The following SLK variants were observed in gnomAD, a reference collection of about 807,000 sequenced individuals.
SLK encodes the protein STE20-like serine/threonine-protein kinase.
SLK carries 67 observed loss-of-function variants against 147.7 expected under a neutral mutation model. The observed-to-expected ratio is 0.45, with a 90% CI of 0.37 to 0.56. SLK has a LOEUF of 0.56. Ranked by LOEUF, SLK falls within the 20% of genes least tolerant of loss-of-function variation. SLK has a pLI of 0.00. For missense variants in SLK, 1,136 were observed against 1,438.8 expected, an observed-to-expected ratio of 0.79 and a Z score of 3.41; for synonymous variants, 441 against 475.0, an observed-to-expected ratio of 0.93 and a Z score of 0.93.
chr10:104,024,865 C>T (rs771603776), intron 18 of SLK, among the ~76,000 whole-genome samples: 5 of 152,158 alleles, frequency 3.3e-5, no homozygotes, highest in South Asian at 2.1e-4. Flanking sequence ...CCTCACAGGG[C>T]GGAATAACAA....
Position 104,010,907 on chromosome 10 carries a change from A to G in SLK, c.2876A>G (p.Gln959Arg). The G allele has an allele frequency of 1.3e-6, 2 of 1,565,246 alleles. No homozygotes were observed. Among genetic ancestry groups the G allele is most frequent in the Non-Finnish European group, 1.7e-6 (2 of 1,161,960 alleles). ...KEELAQSQHA[Q>R]EQEFVQKQQQ... ...GAGCTTGCACAAAGCCAGCATGCTC[A>G]GGTAACAGCAGCAGCTTAATGCTAC... is the stretch of plus-strand genomic sequence containing the variant. Residue 959 changes from glutamine (Q) to arginine (R), a missense_variant and splice_region_variant, in exon 13 of 19, where the codon CAG becomes CGG. By Grantham distance (43) the Gln-to-Arg change is conservative (BLOSUM62 1). Around this residue, in one of 6 missense-constraint regions of SLK, gnomAD observed 327 missense variants for 457.5 expected, o/e 0.71. Coordinates refer to ENST00000369755, the MANE Select transcript of SLK (RefSeq NM_014720.4).
intron 1 of SLK, among the ~76,000 whole-genome samples, chr10:103,989,414 G>C (rs996038695): frequency 4.6e-5 from 7 of 150,810 alleles, no homozygotes; most frequent in Admixed American, 4.0e-4. Context: ...ATTCATTGCT[G>C]GTGTGTATGC....
chr10:103,987,978 T>C (rs1298909138), intron 1 of SLK, among the ~76,000 whole-genome samples: 1 of 152,166 alleles, frequency 6.6e-6, no homozygotes, highest in Non-Finnish European at 1.5e-5. Flanking sequence ...ACATTTAATA[T>C]AAGTTTTATG....
chr10:104,019,524 A>G (rs1000746043), intron 15 of SLK, among the ~76,000 whole-genome samples: 1 of 152,252 alleles, frequency 6.6e-6, no homozygotes, highest in South Asian at 2.1e-4. Flanking sequence ...CTCCTATGTC[A>G]GCCTCCCAAA....
At chr10:103,982,519 T>C (rs964560658) in intron 1 of SLK, among the ~76,000 whole-genome samples, 3 of 152,244 alleles carry the variant, frequency 2.0e-5, no homozygotes, top group Admixed American at 2.0e-4. Context: ...ATATAAAGTA[T>C]ATTTCTTTCT....
chr10:103,998,883 G>A lies in SLK; in HGVS notation c.515-16G>A. The A allele has an allele frequency of 1.3e-6, 2 of 1,593,064 alleles. No individual in the cohort carries two copies. The highest frequency in any genetic ancestry group is 2.2e-5 in the East Asian group (1 of 44,716). On this transcript the variant is annotated splice_polypyrimidine_tract_variant and intron_variant, in intron 4 of 18. Coordinates refer to ENST00000369755, the MANE Select transcript of SLK (RefSeq NM_014720.4). The stretch of plus-strand genomic sequence containing the variant: ...CTTAAAAGTTCTCATTAATGCTTTT[G>A]TGTGATTATTTCAAGCGGATTTTGG...
At chr10:104,016,189 G>A (rs1302722276) in intron 13 of SLK, among the ~76,000 whole-genome samples, 1 of 152,022 alleles carries the variant, frequency 6.6e-6, no homozygotes, top group Non-Finnish European at 1.5e-5. Flanking sequence ...CGTGGTGGTG[G>A]GCGCCTGTAG....
intron 1 of SLK, among the ~76,000 whole-genome samples, chr10:103,986,654 C>G (rs1300949904): frequency 6.7e-6 from 1 of 149,842 alleles, no homozygotes; most frequent in African/African-American, 2.5e-5. Context: ...TTTCATTAAG[C>G]CTTTATGTGA....
In SLK at chr10:104,002,832, T is replaced by C; in HGVS notation, c.1654T>C (p.Cys552Arg). 1 of 1,614,008 alleles carries C rather than the reference T, an allele frequency of 6.2e-7. No homozygotes were observed. The highest frequency in any genetic ancestry group is 8.5e-7 in the Non-Finnish European group (1 of 1,179,970). The change falls in exon 9 of 19, where the codon TGT becomes CGT. Residue 552 changes from cysteine to arginine, a missense_variant. By Grantham distance (180) the Cys-to-Arg change is radical. This residue lies in a region of SLK where 516 missense variants were observed against 531.3 expected (regional missense o/e 0.97). Transcript: ENST00000369755. ...CAATACAAGTGATGTGATAGGAACATGTGAGGCAGCAGATGTGGCTCAGAA... is the reference window on the plus strand; with the variant it reads ...CAATACAAGTGATGTGATAGGAACACGTGAGGCAGCAGATGTGGCTCAGAA... ...ISNTSDVIGT[C>R]EAADVAQKVD... is the part of the protein sequence containing the mutation.
rs1243318781 is a variant in SLK, at chr10:104,018,799, T to C, written c.3023T>C (p.Ile1008Thr). 2 of 1,611,652 alleles carry C rather than the reference T, an allele frequency of 1.2e-6. No individual in the cohort carries two copies. Among genetic ancestry groups the C allele is most frequent in the African/African-American group, 1.3e-5 (1 of 74,768 alleles). Residue 1008 changes from isoleucine to threonine, a missense_variant, in exon 15 of 19, where the codon ATT becomes ACT. Transcript: ENST00000369755. ...QQLMRAREAA[I>T]WELEERHLQE... ...TGTCTTCTAGCTCGAGAAGCTGCAA[T>C]TTGGGAGCTCGAAGAACGACACTTA...
chr10:104,010,083 C>T (rs995291476), intron 12 of SLK, among the ~76,000 whole-genome samples: 1 of 152,128 alleles, frequency 6.6e-6, no homozygotes, highest in African/African-American at 2.4e-5. Context: ...GTACTTCATT[C>T]TGTATTTTAT....
Position 104,025,683 on chromosome 10 carries a change from T to G in SLK, c.3671T>G (p.Phe1224Cys). 6.2e-7 allele frequency: 1 copy of G among 1,614,046 alleles called. No homozygotes were observed. Among genetic ancestry groups the G allele is most frequent in the Non-Finnish European group, 8.5e-7 (1 of 1,179,954 alleles). Residue 1224 changes from phenylalanine (F) to cysteine (C), a missense_variant, in exon 19 of 19, where the codon TTT (phenylalanine) becomes TGT (cysteine). Transcript: ENST00000369755. ...NPSTQSRISK[F>C]YPIPSLHSTG... ...TCAACACAGAGCCGGATTTCCAAATTTTATCCTATTCCCAGCTTGCATTCC... is the reference window on the plus strand; with the variant it reads ...TCAACACAGAGCCGGATTTCCAAATGTTATCCTATTCCCAGCTTGCATTCC...
chr10:104,011,277 G>C (rs1260710564), intron 13 of SLK, among the ~76,000 whole-genome samples: 1 of 152,144 alleles, frequency 6.6e-6, no homozygotes, highest in Non-Finnish European at 1.5e-5. Flanking sequence ...TATAAGCTTT[G>C]TGCTTACAAA....
At position 103,999,933 on chromosome 10, in the gene SLK, A is replaced by G; in HGVS notation, c.849A>G (p.Thr283=). The G allele has an allele frequency of 2.6e-6, 4 of 1,536,212 alleles. No individual in the cohort carries two copies. Among genetic ancestry groups the G allele is most frequent in the African/African-American group, 1.4e-5 (1 of 73,132 alleles). ...LEKNVDARWT[T]SQLLQHPFVT... ...AGAATGTGGATGCCAGGTGGACTAC[A>G]TCTCAGCTGCTGCAGGTAAGAGAGT... is the stretch of plus-strand genomic sequence containing the variant. Residue 283 remains threonine (T), a synonymous_variant, in exon 7 of 19, where the codon ACA becomes ACG. Transcript: ENST00000369755.
At chr10:103,999,055 T>C in intron 5 of SLK, 64 bp from the exon 6 acceptor site, 1 of 1,543,622 alleles carries the variant, frequency 6.5e-7, no homozygotes, top group Non-Finnish European at 8.9e-7. Flanking sequence ...CATAATTGAT[T>C]ATACCATGTG....
At chr10:103,994,815 C>T (rs1243558809) in intron 4 of SLK, among the ~76,000 whole-genome samples, 1 of 152,208 alleles carries the variant, frequency 6.6e-6, no homozygotes, top group African/African-American at 2.4e-5. Context: ...ATTGCATACT[C>T]CTGATGATTG....
chr10:104,002,781 G>C lies in SLK; in HGVS notation c.1603G>C (p.Asp535His). Residue 535 changes from aspartate (D) to histidine (H), a missense_variant, in exon 9 of 19, where the codon GAC becomes CAC. Asp to His is a moderately conservative substitution (Grantham distance 81). Transcript: ENST00000369755. ...CACCCAAGAGAAATTGGGGGAAGAC[G>C]ACAAAACTCAAAAAGATGTGATCAG... The part of the protein sequence containing the change: ...EDTQEKLGED[D>H]KTQKDVISNT... 6.2e-7 allele frequency: 1 copy of C among 1,613,986 alleles called. No individual in the cohort carries two copies. The highest frequency in any genetic ancestry group is 8.5e-7 in the Non-Finnish European group (1 of 1,180,022).
At chr10:104,016,343 A>G (rs1362353326) in intron 13 of SLK, among the ~76,000 whole-genome samples, 2 of 152,078 alleles carry the variant, frequency 1.3e-5, no homozygotes, top group African/African-American at 4.8e-5. Flanking sequence ...AAAATTTTAC[A>G]ATTGAAATTA....
chr10:103,974,545 G>A (rs1843836349), intron 1 of SLK: 1 of 113,622 alleles, frequency 8.8e-6, no homozygotes, highest in Non-Finnish European at 1.8e-5. Flanking sequence ...AACCCGGGAG[G>A]CGGAGCTTGC....
Sources: gnomAD v4.1 joint callset for allele counts (sites outside exome capture counted in the v4.1 genomes callset) on GRCh38, gnomAD v4.1.1 for gene constraint, gnomAD v4.1.1 regional missense constraint, MANE v1.5 for transcripts, NCBI Gene and HGNC (gene_info 2026-07-23, HGNC 2026-07-21) for gene names.